The following INO80C variants were observed in gnomAD, a reference collection of about 807,000 sequenced individuals.
INO80C encodes the protein IES6 homolog.
Under a neutral mutation model 17.7 loss-of-function variants are expected in INO80C, and 17 were observed. That is an observed-to-expected ratio of 0.96 (90% CI 0.66 to 1.44). The LOEUF is 1.44. INO80C is among the 40% of genes most tolerant of loss of function. INO80C has a pLI of 0.00. For missense variants in INO80C, 244 were observed against 245.0 expected (o/e 1.00, Z 0.03); for synonymous variants, 96 against 95.8 (o/e 1.00, Z -0.01).
At chr18:35,482,023 C>T (rs950001112) in intron 1 of INO80C, among the ~76,000 whole-genome samples, 1 of 152,126 alleles carries the variant, frequency 6.6e-6, no homozygotes, top group African/African-American at 2.4e-5. Flanking sequence ...TTTTCGTGTT[C>T]GTGGACGTTC....
intron 3 of INO80C, chr18:35,479,014 T>C: frequency 3.8e-6 from 1 of 265,348 alleles, no homozygotes; most frequent in Non-Finnish European, 7.1e-6. Flanking sequence ...ATTTTAAGAG[T>C]AGACTTTTGA....
intron 4 of INO80C, among the ~76,000 whole-genome samples, chr18:35,474,166 T>G (rs1421329637): frequency 2.2e-5 from 3 of 139,338 alleles, no homozygotes; most frequent in Admixed American, 1.5e-4. Flanking sequence ...TATACATATA[T>G]ATATATATAT....
At chr18:35,487,890 A>G (rs2045893202) in intron 1 of INO80C, 2 of 152,108 alleles carry the variant, frequency 1.3e-5, no homozygotes, top group African/African-American at 4.8e-5. Flanking sequence ...GGATAAATAC[A>G]CCCATTCCAA....
chr18:35,475,225 G>A (rs896048331), intron 4 of INO80C, among the ~76,000 whole-genome samples: 1 of 152,068 alleles, frequency 6.6e-6, no homozygotes, highest in African/African-American at 2.4e-5. Context: ...ATGAACAAAG[G>A]TAAGAATTAT....
intron 1 of INO80C, among the ~76,000 whole-genome samples, chr18:35,489,921 G>A (rs749231613): frequency 2.5e-4 from 38 of 151,962 alleles, no homozygotes; most frequent in Middle Eastern, 6.8e-3. Flanking sequence ...CCCCATGCAC[G>A]GTCTTTCCTA....
chr18:35,484,625 CTATTA>C (rs1217487280), intron 1 of INO80C, among the ~76,000 whole-genome samples: 3 of 152,170 alleles, frequency 2.0e-5, no homozygotes, highest in Non-Finnish European at 2.9e-5. Flanking sequence ...ATTGCATTAC[CTATTA>C]TAAGTAATCT....
intron 1 of INO80C, among the ~76,000 whole-genome samples, chr18:35,482,351 A>G (rs2045820302): frequency 6.6e-6 from 1 of 152,224 alleles, no homozygotes; most frequent in African/African-American, 2.4e-5. Context: ...TTACTTAGTA[A>G]GTGAAAATCT....
At chr18:35,484,326 T>C (rs2045847719) in intron 1 of INO80C, among the ~76,000 whole-genome samples, 1 of 152,158 alleles carries the variant, frequency 6.6e-6, no homozygotes, top group Non-Finnish European at 1.5e-5. Flanking sequence ...ATTACAGAAA[T>C]ACATAGAGAG....
At chr18:35,479,598 GA>G (rs1461746504) in intron 2 of INO80C, among the ~76,000 whole-genome samples, 187 bp from the exon 3 acceptor site, 4 of 151,874 alleles carry the variant, frequency 2.6e-5, no homozygotes, top group African/African-American at 9.7e-5. Context: ...GTTTAAAAAA[GA>G]AGTTTTCAGA....
chr18:35,488,768 T>C (rs754613909), intron 1 of INO80C, among the ~76,000 whole-genome samples: 15 of 152,332 alleles, frequency 9.8e-5, no homozygotes, highest in Non-Finnish European at 1.8e-4. Flanking sequence ...CTCTATCACA[T>C]TGTCAGGCTG....
At chr18:35,484,314 T>C (rs2045847584) in intron 1 of INO80C, among the ~76,000 whole-genome samples, 1 of 152,152 alleles carries the variant, frequency 6.6e-6, no homozygotes, top group African/African-American at 2.4e-5. Context: ...TACAGGCAGA[T>C]AATTACAGAA....
At chr18:35,480,378 G>T in intron 2 of INO80C, 75 bp downstream of exon 2, 1 of 1,021,316 alleles carries the variant, frequency 9.8e-7, no homozygotes, top group Non-Finnish European at 1.6e-6. Context: ...TGCCACCCTG[G>T]CTACAGGCCC....
chr18:35,495,112 A>T (rs961670355), intron 1 of INO80C, among the ~76,000 whole-genome samples: 2 of 152,220 alleles, frequency 1.3e-5, no homozygotes, highest in African/African-American at 2.4e-5. Context: ...AGGGAACTAG[A>T]ATGAAAGGAT....
chr18:35,487,438 G>A (rs147362858), intron 1 of INO80C: 34 of 361,558 alleles, frequency 9.4e-5, no homozygotes, highest in African/African-American at 5.7e-4. Flanking sequence ...CAAGAGGCAC[G>A]TCTTACGTGG....
At chr18:35,475,047 C>A (rs1420658621) in intron 4 of INO80C, among the ~76,000 whole-genome samples, 1 of 152,152 alleles carries the variant, frequency 6.6e-6, no homozygotes, top group Non-Finnish European at 1.5e-5. Flanking sequence ...TTCCAAAATT[C>A]TTGACAGATA....
At chr18:35,494,845 A>G (rs994710155) in intron 1 of INO80C, among the ~76,000 whole-genome samples, 1 of 152,244 alleles carries the variant, frequency 6.6e-6, no homozygotes, top group African/African-American at 2.4e-5. Flanking sequence ...GTAGAAAACT[A>G]AACACAATGT....
chr18:35,477,113 G>A (rs1179155455), intron 4 of INO80C, among the ~76,000 whole-genome samples: 7 of 152,098 alleles, frequency 4.6e-5, no homozygotes, highest in Non-Finnish European at 1.0e-4. Context: ...GCATGGTGGC[G>A]TGTGCCTGTA....
intron 4 of INO80C, among the ~76,000 whole-genome samples, chr18:35,469,647 C>G (rs1353258807): frequency 1.3e-5 from 2 of 152,190 alleles, no homozygotes; most frequent in African/African-American, 4.8e-5. Context: ...CCTCCACTTT[C>G]ACAGCAGCAA....
Position 35,480,525 on chromosome 18 carries a change from C to T in INO80C, c.195G>A (p.Val65=). Residue 65 remains valine (V), a synonymous_variant, in exon 2 of 5, where the codon GTG becomes GTA. Coordinates refer to ENST00000334598, the MANE Select transcript of INO80C (RefSeq NM_194281.4). Reference sequence around the variant, plus strand: ...CAGGTCCTGTGCTAAACTCAGAGGGCACCATTTTATTCTCACTCATGGCTT... The same window carrying T: ...CAGGTCCTGTGCTAAACTCAGAGGGTACCATTTTATTCTCACTCATGGCTT... The part of the protein sequence containing the change: ...SMEAMSENKM[V]PSEFSTGPVE... 1 of 1,614,066 alleles carries T rather than the reference C, an allele frequency of 6.2e-7. No individual in the cohort carries two copies.
Sources: allele counts gnomAD v4.1 joint callset (sites outside exome capture counted in the v4.1 genomes callset), GRCh38; gene constraint gnomAD v4.1.1; transcripts MANE v1.5; gene names NCBI Gene and HGNC (gene_info 2026-07-23, HGNC 2026-07-21).